Variants in SCFD1 observed in about 807,000 individuals in gnomAD.
SCFD1 encodes the protein sec1 family domain containing 1.
A neutral mutation model predicts 103.2 loss-of-function variants in SCFD1; 37 were observed. The observed-to-expected ratio is 0.36, with a 90% confidence interval of 0.28 to 0.47. SCFD1 has a LOEUF of 0.47. Ranked by LOEUF, SCFD1 falls within the 20% of genes least tolerant of loss-of-function variation. SCFD1 has a pLI of 1.00. For synonymous variants in SCFD1, 264 were observed against 245.0 expected, an observed-to-expected ratio of 1.08 and a Z score of -0.73; for missense variants, 639 against 761.2, an observed-to-expected ratio of 0.84 and a Z score of 1.89.
At chr14:30,674,299 G>C (rs537459859) in intron 13 of SCFD1, among the ~76,000 whole-genome samples, 1 of 152,202 alleles carries the variant, frequency 6.6e-6, no homozygotes, top group African/African-American at 2.4e-5. Flanking sequence ...TATAGATACT[G>C]TTTTCTTAAC....
At chr14:30,631,889 T>C (rs1406210850) in intron 3 of SCFD1, among the ~76,000 whole-genome samples, 1 of 151,418 alleles carries the variant, frequency 6.6e-6, no homozygotes, top group Non-Finnish European at 1.5e-5. Context: ...CTACTAAAAG[T>C]ACAAAAATTA....
chr14:30,708,465 G>A lies in SCFD1; in HGVS notation c.1629+400G>A, dbSNP rs749585855. Among the ~76,000 whole-genome samples, 8 of 152,208 alleles carry A rather than the reference G, an allele frequency of 5.3e-5. No individual in the cohort carries two copies. The South Asian group carries it at 6.2e-4, about 12-fold the overall frequency. On this transcript the variant is annotated intron_variant, in intron 19 of 24. Coordinates refer to ENST00000458591, the MANE Select transcript of SCFD1 (RefSeq NM_016106.4). The stretch of plus-strand genomic sequence containing the variant: ...AGAAATCAAGGAGTTCTTTATTAGT[G>A]TATTTAAGACTCTGAGGGTATTTTT...
intron 7 of SCFD1, among the ~76,000 whole-genome samples, chr14:30,644,571 G>A (rs1466177437): frequency 6.6e-6 from 1 of 152,008 alleles, no homozygotes; most frequent in Non-Finnish European, 1.5e-5. Flanking sequence ...ATCTCATTGT[G>A]GTTTTGATTT....
intron 19 of SCFD1, among the ~76,000 whole-genome samples, chr14:30,714,413 T>G (rs1443117125): frequency 5.9e-5 from 9 of 151,928 alleles, no homozygotes; most frequent in Non-Finnish European, 1.2e-4. Context: ...AAAAAAATTC[T>G]GAATAGTATT....
At chr14:30,705,948 C>T in intron 18 of SCFD1, 63 bp downstream of exon 18, 2 of 1,290,002 alleles carry the variant, frequency 1.6e-6, no homozygotes, top group Non-Finnish European at 2.2e-6. Context: ...ACTTTCATGC[C>T]TTAAAAACAC....
intron 23 of SCFD1, among the ~76,000 whole-genome samples, chr14:30,733,555 G>A (rs1477355900): frequency 6.6e-6 from 1 of 152,212 alleles, no homozygotes; most frequent in African/African-American, 2.4e-5. Context: ...GTACCCCTGT[G>A]CTTATCTCCA....
At chr14:30,694,659 C>A (rs901267344) in intron 14 of SCFD1, 114 bp from the exon 15 acceptor site, 4 of 1,362,988 alleles carry the variant, frequency 2.9e-6, no homozygotes, top group Middle Eastern at 2.7e-4. Flanking sequence ...TTTGACCTGT[C>A]TGAAAGAACA....
chr14:30,665,664 C>A (rs1474603209), intron 10 of SCFD1, among the ~76,000 whole-genome samples: 1 of 152,034 alleles, frequency 6.6e-6, no homozygotes, highest in Non-Finnish European at 1.5e-5. Context: ...TGTGCAGAGA[C>A]ACACAAAGGC....
intron 7 of SCFD1, among the ~76,000 whole-genome samples, chr14:30,647,226 G>C (rs1015853105): frequency 2.0e-5 from 3 of 151,990 alleles, no homozygotes; most frequent in African/African-American, 7.2e-5. Context: ...TTGTTAAAAT[G>C]ATTCTCACAC....
In SCFD1 at chr14:30,626,426, C is replaced by G. The variant is rs917368396; in HGVS notation, c.62-1783C>G. Among the ~76,000 whole-genome samples, 8 of 152,098 alleles carry G rather than the reference C, an allele frequency of 5.3e-5. 1 individual carries two copies. Among genetic ancestry groups the G allele is most frequent in the Admixed American group, 1.3e-4 (2 of 15,264 alleles). On this transcript the variant is annotated intron_variant, in intron 1 of 24. Transcript: ENST00000458591. ...AATCAAAATGGCCCACCTGGAGATT[C>G]ATTCCTTGTCTGTGAGGAACATCTG...
chr14:30,731,930 C>G (rs1359705799), intron 23 of SCFD1, among the ~76,000 whole-genome samples: 1 of 152,094 alleles, frequency 6.6e-6, no homozygotes, highest in African/African-American at 2.4e-5. Context: ...CTGTCTTGTG[C>G]CAGTTTTCAA....
At chr14:30,635,036 T>C (rs1429606850) in intron 4 of SCFD1, 12 of 448,498 alleles carry the variant, frequency 2.7e-5, no homozygotes, top group Middle Eastern at 3.8e-4. Flanking sequence ...ATTGGATAGG[T>C]AAGTAACAGT....
intron 17 of SCFD1, among the ~76,000 whole-genome samples, chr14:30,705,592 C>T (rs1244947710): frequency 6.6e-6 from 1 of 152,130 alleles, no homozygotes; most frequent in East Asian, 1.9e-4. Flanking sequence ...GCCATGATGG[C>T]ACCACTGCAT....
At chr14:30,700,331 A>AT in intron 16 of SCFD1, 73 bp downstream of exon 16, 1 of 1,012,710 alleles carries the variant, frequency 9.9e-7, no homozygotes, top group Non-Finnish European at 1.5e-6. Flanking sequence ...AGATTTTAAA[A>AT]CAGAAGTAAA....
Position 30,624,004 on chromosome 14 carries a change from C to T in SCFD1, c.61+1605C>T, listed in dbSNP as rs547076660. On this transcript the variant is annotated intron_variant, in intron 1 of 24. Transcript: ENST00000458591. ...GAGCATTTACTATTGTTAGGCATTG[C>T]ATTAGGTGATTATGTATTATCTCCA... Among the ~76,000 whole-genome samples, 3 of 152,250 alleles carry T rather than the reference C, an allele frequency of 2.0e-5. No homozygotes were observed. The South Asian group carries it at 6.2e-4, about 32-fold the overall frequency.
chr14:30,672,857 C>T (rs74041105), intron 11 of SCFD1, among the ~76,000 whole-genome samples: 4,197 of 152,046 alleles, frequency 0.028, 78 homozygotes, highest in African/African-American at 0.053. Context: ...TTGCATGGAC[C>T]CTTTGACATG....
intron 23 of SCFD1, among the ~76,000 whole-genome samples, chr14:30,732,813 G>T (rs1594781506): frequency 6.6e-6 from 1 of 151,870 alleles, no homozygotes; most frequent in East Asian, 1.9e-4. Flanking sequence ...GTATAACTTT[G>T]GTATAATTGG....
chr14:30,654,571 G>A (rs960628877), intron 10 of SCFD1, among the ~76,000 whole-genome samples: 2 of 152,108 alleles, frequency 1.3e-5, no homozygotes, highest in African/African-American at 4.8e-5. Flanking sequence ...CTATTTGGGT[G>A]GCTGAGGCTT....
intron 14 of SCFD1, among the ~76,000 whole-genome samples, chr14:30,675,960 C>G (rs1888999980): frequency 6.6e-6 from 1 of 152,104 alleles, no homozygotes; most frequent in Non-Finnish European, 1.5e-5. Context: ...TGTTTCACAT[C>G]TTGGTACTTG....
Sources: allele counts gnomAD v4.1 joint callset (sites outside exome capture counted in the v4.1 genomes callset), GRCh38; gene constraint gnomAD v4.1.1; transcripts MANE v1.5; gene names NCBI Gene and HGNC (gene_info 2026-07-23, HGNC 2026-07-21).